Variants in LAMC1 observed in about 807,000 individuals in gnomAD.
The protein encoded by LAMC1 is laminin subunit gamma 1.
A neutral mutation model predicts 173.6 loss-of-function variants in LAMC1; 38 were observed. The ratio of observed to expected loss-of-function variants is 0.22; its 90% CI spans 0.17 to 0.29. The LOEUF (loss-of-function observed/expected upper bound fraction) is 0.29, where lower values mean the gene tolerates loss of function less well. Among genes scored for constraint, LAMC1 ranks in the 10% least tolerant of loss-of-function variants. The pLI is 1.00. For missense variants in LAMC1, 1,824 were observed against 2,051.8 expected (o/e 0.89, Z 2.14); for synonymous variants, 746 against 749.1 (o/e 1.00, Z 0.07).
intron 13 of LAMC1, among the ~76,000 whole-genome samples, chr1:183,122,995 G>A (rs914847765): frequency 3.3e-5 from 5 of 152,160 alleles, no homozygotes; most frequent in Admixed American, 2.0e-4. Flanking sequence ...TGATTTGATT[G>A]TGTCAGCCAT....
Position 183,130,561 on chromosome 1 carries a change from C to G in LAMC1, c.3486+12C>G. Reference sequence around the variant, plus strand: ...CTGCTGCCAATGTGGTAAGTGATTGCAAACGTCTGAGGTGGGGATGGGGGA... The same window carrying G: ...CTGCTGCCAATGTGGTAAGTGATTGGAAACGTCTGAGGTGGGGATGGGGGA... On this transcript the variant is annotated intron_variant, in intron 19 of 27. Coordinates refer to ENST00000258341, the MANE Select transcript of LAMC1 (RefSeq NM_002293.4). 2 of 1,611,858 alleles carry G rather than the reference C, an allele frequency of 1.2e-6. No homozygotes were observed. Among genetic ancestry groups the G allele is most frequent in the Non-Finnish European group, 1.7e-6 (2 of 1,177,954 alleles).
chr1:183,093,694 C>T (rs556370346), intron 1 of LAMC1, among the ~76,000 whole-genome samples: 12 of 152,276 alleles, frequency 7.9e-5, no homozygotes, highest in Middle Eastern at 3.4e-3. Context: ...TTAGAGGTTT[C>T]GTGGGTATCT....
chr1:183,061,013 G>A lies in LAMC1; in HGVS notation c.418+36879G>A, dbSNP rs149883834. ...TTGTCAGAAGTGACATGGTTAGATA[G>A]CAGAGTTGCAGGAAAATTAGTATAA... On this transcript the variant is annotated intron_variant, in intron 1 of 27. Coordinates refer to ENST00000258341, the MANE Select transcript of LAMC1 (RefSeq NM_002293.4). Among the ~76,000 whole-genome samples, 8 of 152,256 alleles carry A rather than the reference G, an allele frequency of 5.3e-5. No individual in the cohort carries two copies. The East Asian group carries it at 1.5e-3, about 29-fold the overall frequency.
chr1:183,094,786 T>C (rs1655651157), intron 1 of LAMC1, among the ~76,000 whole-genome samples: 1 of 152,212 alleles, frequency 6.6e-6, no homozygotes, highest in South Asian at 2.1e-4. Context: ...GGGACCAAGT[T>C]TATTAGGAAT....
rs1558063504 is a variant in LAMC1, at chr1:183,142,766, C to T, written c.4806C>T (p.Asn1602=). Residue 1602 remains asparagine (N), a synonymous_variant, in exon 28 of 28, where the codon AAC becomes AAT. Coordinates refer to ENST00000258341, the MANE Select transcript of LAMC1 (RefSeq NM_002293.4). ...IRKTLPSGCF[N]TPSIEKP is the part of the protein sequence containing the mutation. The stretch of plus-strand genomic sequence containing the variant: ...AGACCTTACCATCTGGCTGCTTCAA[C>T]ACCCCGTCCATTGAAAAGCCCTAGT... 2 of 1,612,776 alleles carry T rather than the reference C, an allele frequency of 1.2e-6. No homozygotes were observed. The highest frequency in any genetic ancestry group is 1.1e-5 in the South Asian group (1 of 90,714).
intron 1 of LAMC1, among the ~76,000 whole-genome samples, chr1:183,033,908 A>G (rs977832237): frequency 6.6e-6 from 1 of 152,092 alleles, no homozygotes; most frequent in Non-Finnish European, 1.5e-5. Context: ...CATGTTGGCC[A>G]GGCTGGTCTC....
chr1:183,118,013 TG>T lies in LAMC1; in HGVS notation c.1878-19del. 7.1e-7 allele frequency: 1 copy of T among 1,401,610 alleles called. No individual in the cohort carries two copies. Among genetic ancestry groups the T allele is most frequent in the Non-Finnish European group, 1.0e-6 (1 of 991,058 alleles). 86.8% of individuals were successfully genotyped at this position (1,401,610 alleles called of 1,614,324 possible). On this transcript the variant is annotated intron_variant, in intron 10 of 27. Coordinates refer to ENST00000258341, the MANE Select transcript of LAMC1 (RefSeq NM_002293.4). ...AGAATTGTCCTTACAGAGGTTAATG[TG>T]GCCCTTTCTTTCTCTCCAGGCTCCA... is the stretch of plus-strand genomic sequence containing the variant.
intron 16 of LAMC1, 100 bp downstream of exon 16, chr1:183,126,362 C>T (rs997157130): frequency 2.4e-6 from 3 of 1,267,382 alleles, no homozygotes; most frequent in Non-Finnish European, 3.3e-6. Context: ...AGCCACTTGA[C>T]TCATAGTCAG....
At chr1:183,047,714 G>A (rs1167495185) in intron 1 of LAMC1, among the ~76,000 whole-genome samples, 1 of 152,168 alleles carries the variant, frequency 6.6e-6, no homozygotes, top group Non-Finnish European at 1.5e-5. Context: ...GACAGGAGGG[G>A]ATTGTGGGGA....
intron 1 of LAMC1, among the ~76,000 whole-genome samples, chr1:183,087,087 T>C (rs8179460): frequency 0.38 from 58,387 of 151,984 alleles, 11,606 homozygotes; most frequent in East Asian, 0.49. Flanking sequence ...GTATCTTAAT[T>C]ATTTGTATCT....
intron 1 of LAMC1, among the ~76,000 whole-genome samples, chr1:183,095,476 A>C (rs1161697358): frequency 6.6e-6 from 1 of 152,130 alleles, no homozygotes; most frequent in Non-Finnish European, 1.5e-5. Context: ...ACAATTACAC[A>C]TTTCTGAAAT....
At chr1:183,121,617 AT>A in intron 11 of LAMC1, 105 bp from the exon 12 acceptor site, 1 of 936,748 alleles carries the variant, frequency 1.1e-6, no homozygotes, top group East Asian at 2.6e-5. Flanking sequence ...CAAATGGCTA[AT>A]TTTCTCTGGA....
chr1:183,043,371 T>G (rs765275807), intron 1 of LAMC1, among the ~76,000 whole-genome samples: 1 of 152,184 alleles, frequency 6.6e-6, no homozygotes, highest in Non-Finnish European at 1.5e-5. Flanking sequence ...TTAGGGCTTT[T>G]TGAATTGAGA....
intron 26 of LAMC1, among the ~76,000 whole-genome samples, chr1:183,138,987 G>A (rs1339406550): frequency 3.9e-5 from 6 of 152,072 alleles, no homozygotes; most frequent in African/African-American, 1.4e-4. Context: ...TTGGGAGGTG[G>A]AGGTTGTAAT....
At chr1:183,136,319 C>T (rs1571466405) in intron 24 of LAMC1, 67 bp from the exon 25 acceptor site, 9 of 1,382,050 alleles carry the variant, frequency 6.5e-6, no homozygotes, top group African/African-American at 1.4e-5. Flanking sequence ...CCAGTTGGAA[C>T]TCCCTGAAAG....
intron 1 of LAMC1, among the ~76,000 whole-genome samples, chr1:183,052,113 G>A (rs1317716629): frequency 2.0e-5 from 3 of 152,146 alleles, no homozygotes; most frequent in African/African-American, 7.2e-5. Context: ...AACTCAAGGT[G>A]CTCTGCACTG....
At chr1:183,088,969 G>A (rs1571432593) in intron 1 of LAMC1, among the ~76,000 whole-genome samples, 2 of 152,350 alleles carry the variant, frequency 1.3e-5, no homozygotes, top group Non-Finnish European at 2.9e-5. Flanking sequence ...ACATGCCTGA[G>A]GAGTGTGTAT....
chr1:183,081,475 A>G (rs10752894), intron 1 of LAMC1, among the ~76,000 whole-genome samples: 75,883 of 150,904 alleles, frequency 0.5, 19,677 homozygotes, highest in South Asian at 0.64. Context: ...GCACACACCT[A>G]TGGTCCCAGC....
Position 183,130,366 on chromosome 1 carries a change from T to C in LAMC1, c.3303T>C (p.Asp1101=). The change falls in exon 19 of 28, where the codon GAT becomes GAC. Residue 1101 remains aspartate, a synonymous_variant. Coordinates refer to ENST00000258341, the MANE Select transcript of LAMC1 (RefSeq NM_002293.4). ...TAGATGTTGACCAGAATTTGATGGA[T>C]CGCCTACAGAGAGTGAATAACACTC... ...DVKDVDQNLM[D]RLQRVNNTLS... 1 of 1,614,128 alleles carries C rather than the reference T, an allele frequency of 6.2e-7. No individual in the cohort carries two copies. The highest frequency in any genetic ancestry group is 8.5e-7 in the Non-Finnish European group (1 of 1,179,974).
Sources: gnomAD v4.1 joint callset for allele counts (sites outside exome capture counted in the v4.1 genomes callset) on GRCh38, gnomAD v4.1.1 for gene constraint, MANE v1.5 for transcripts, NCBI Gene and HGNC (gene_info 2026-07-23, HGNC 2026-07-21) for gene names.